The following TRDN variants were observed in gnomAD, a reference collection of about 807,000 sequenced individuals.
TRDN encodes triadin, also known as triadin in skeletal muscle.
Under a neutral mutation model 149.7 loss-of-function variants are expected in TRDN, and 161 were observed. That is an observed-to-expected ratio of 1.08 (90% CI 0.95 to 1.23). TRDN has a LOEUF of 1.23. TRDN is among the 50% of genes most tolerant of loss of function. The probability of loss-of-function intolerance (pLI) is 0.00; values close to 1 mark genes in which losing one functional copy is unlikely to be tolerated. For synonymous variants in TRDN, 294 were observed against 250.5 expected, an observed-to-expected ratio of 1.17 and a Z score of -1.64; for missense variants, 896 against 823.5, an observed-to-expected ratio of 1.09 and a Z score of -1.08.
intron 19 of TRDN, among the ~76,000 whole-genome samples, chr6:123,370,147 A>G (rs1238308663): frequency 6.6e-6 from 1 of 152,176 alleles, no homozygotes; most frequent in Non-Finnish European, 1.5e-5. Context: ...CACACCTAAG[A>G]AATAGAATAT....
rs899940538 is a variant in TRDN, at chr6:123,252,407, C to T, written c.1975+5G>A. The T allele has an allele frequency of 3.3e-6, 5 of 1,512,694 alleles. No homozygotes were observed. The highest frequency in any genetic ancestry group is 2.5e-5 in the South Asian group (2 of 79,990). The allele number at this position is 1,512,694 out of a possible 1,614,324, so 93.7% of individuals were successfully genotyped here. On this transcript the variant is annotated splice_donor_5th_base_variant and intron_variant, in intron 38 of 40. Transcript: ENST00000334268. ...GAACTTGTCATTAATACAAACCGTA[C>T]TTACTTGATACTCTTGCAGGTTTTT...
chr6:123,363,173 T>C (rs1276325418), intron 20 of TRDN, among the ~76,000 whole-genome samples: 1 of 152,166 alleles, frequency 6.6e-6, no homozygotes, highest in Non-Finnish European at 1.5e-5. Flanking sequence ...TAGAACAATT[T>C]TGTAATATCT....
intron 1 of TRDN, among the ~76,000 whole-genome samples, chr6:123,577,826 A>T (rs1420145220): frequency 6.6e-6 from 1 of 152,158 alleles, no homozygotes; most frequent in Non-Finnish European, 1.5e-5. Flanking sequence ...AATGATAGCC[A>T]TTCTGACTGG....
chr6:123,265,370 G>A, intron 32 of TRDN, 32 bp from the exon 33 acceptor site: 1 of 1,361,558 alleles, frequency 7.3e-7, no homozygotes, highest in Non-Finnish European at 9.9e-7. Flanking sequence ...AAAAGAAAAT[G>A]AGTGATAATT....
intron 19 of TRDN, among the ~76,000 whole-genome samples, chr6:123,370,380 T>C (rs1167232970): frequency 6.6e-6 from 1 of 152,154 alleles, no homozygotes; most frequent in Non-Finnish European, 1.5e-5. Flanking sequence ...ATTTAATTTG[T>C]GTGATTTTTT....
intron 13 of TRDN, among the ~76,000 whole-genome samples, chr6:123,392,413 A>G (rs924085476): frequency 1.3e-5 from 2 of 152,046 alleles, no homozygotes; most frequent in African/African-American, 4.8e-5. Context: ...CAGAAGTCTC[A>G]GTCAAACAGA....
Position 123,466,899 on chromosome 6 carries a change from G to A in TRDN, c.854-1916C>T, listed in dbSNP as rs114610865. On this transcript the variant is annotated intron_variant, in intron 9 of 40. Coordinates refer to ENST00000334268, the MANE Select transcript of TRDN (RefSeq NM_006073.4). ...GTCATATACCTCGGTGAATAGTAGT[G>A]GGTGTATAATTATAGTCTTTTATAG... Among the ~76,000 whole-genome samples the A allele has an allele frequency of 5.4e-3, 815 of 151,706 alleles. 6 individuals are homozygous for A. Among genetic ancestry groups the A allele is most frequent in the African/African-American group, 0.018 (757 of 41,366 alleles).
Position 123,554,047 on chromosome 6 carries a change from C to T in TRDN, c.233-5435G>A, listed in dbSNP as rs143717757. Among the ~76,000 whole-genome samples, 130 of 152,240 alleles carry T rather than the reference C, an allele frequency of 8.5e-4. 1 individual carries two copies. Among genetic ancestry groups the T allele is most frequent in the African/African-American group, 2.6e-3 (108 of 41,560 alleles). On this transcript the variant is annotated intron_variant, in intron 2 of 40. Coordinates refer to ENST00000334268, the MANE Select transcript of TRDN (RefSeq NM_006073.4). The stretch of plus-strand genomic sequence containing the variant: ...TTAGCATGAGATCACTTAGTCACCA[C>T]GCCCTCATAGCGAACCTTGGTAAGG...
intron 19 of TRDN, among the ~76,000 whole-genome samples, chr6:123,366,449 C>A (rs1781103270): frequency 6.6e-6 from 1 of 152,070 alleles, no homozygotes; most frequent in South Asian, 2.1e-4. Flanking sequence ...TGGCCTATTC[C>A]ATAGACTTTA....
chr6:123,267,864 A>G (rs1304332309), intron 31 of TRDN, 113 bp from the exon 32 acceptor site: 2 of 693,270 alleles, frequency 2.9e-6, no homozygotes, highest in Non-Finnish European at 4.5e-6. Flanking sequence ...CCCCAAAGTC[A>G]TTTTCATGTA....
chr6:123,484,697 A>G (rs950940566), intron 9 of TRDN, among the ~76,000 whole-genome samples: 4 of 152,210 alleles, frequency 2.6e-5, no homozygotes, highest in Non-Finnish European at 4.4e-5. Context: ...AGCCACTTTA[A>G]GGAAAGTTCT....
intron 24 of TRDN, among the ~76,000 whole-genome samples, chr6:123,285,965 C>T (rs1191108152): frequency 6.6e-6 from 1 of 151,952 alleles, no homozygotes; most frequent in African/African-American, 2.4e-5. Context: ...AAATCAAAAC[C>T]ACAATATGAT....
chr6:123,604,021 CAGATG>C (rs1327210850), intron 1 of TRDN, among the ~76,000 whole-genome samples: 5 of 151,438 alleles, frequency 3.3e-5, no homozygotes, highest in African/African-American at 1.2e-4. Context: ...CTGGAATAAA[CAGATG>C]AGTTACCGAA....
At chr6:123,539,522 T>C (rs1380463438) in intron 4 of TRDN, among the ~76,000 whole-genome samples, 4 of 152,216 alleles carry the variant, frequency 2.6e-5, no homozygotes, top group Non-Finnish European at 4.4e-5. Context: ...TGAGAGCCAC[T>C]GAAGTGACTT....
chr6:123,313,218 G>T (rs1778898807), intron 24 of TRDN, among the ~76,000 whole-genome samples: 1 of 151,858 alleles, frequency 6.6e-6, no homozygotes, highest in Non-Finnish European at 1.5e-5. Context: ...TCCTTGCATT[G>T]CATTAGAATG....
chr6:123,281,203 A>G (rs1275733002), intron 24 of TRDN, among the ~76,000 whole-genome samples: 1 of 152,128 alleles, frequency 6.6e-6, no homozygotes, highest in Non-Finnish European at 1.5e-5. Context: ...AGAGAAGCAG[A>G]GTAATCACTG....
chr6:123,406,284 A>G (rs138462465), intron 12 of TRDN, among the ~76,000 whole-genome samples: 4 of 152,184 alleles, frequency 2.6e-5, no homozygotes, highest in South Asian at 2.1e-4. Flanking sequence ...ATATACTGAA[A>G]AGCTCACTCT....
intron 12 of TRDN, among the ~76,000 whole-genome samples, chr6:123,406,468 C>T (rs2114499885): frequency 6.6e-6 from 1 of 152,084 alleles, no homozygotes; most frequent in East Asian, 1.9e-4. Flanking sequence ...CAAGAATTAC[C>T]ACTTCTCTTC....
intron 24 of TRDN, among the ~76,000 whole-genome samples, chr6:123,307,211 A>G (rs1778644087): frequency 6.6e-6 from 1 of 152,068 alleles, no homozygotes; most frequent in South Asian, 2.1e-4. Context: ...CTTCTTCATA[A>G]ATACTCAGGT....
Sources: gnomAD v4.1 joint callset for allele counts (sites outside exome capture counted in the v4.1 genomes callset) on GRCh38, gnomAD v4.1.1 for gene constraint, MANE v1.5 for transcripts, NCBI Gene and HGNC (gene_info 2026-07-23, HGNC 2026-07-21) for gene names.